Variants in ROBO1 observed in about 807,000 individuals in gnomAD.
ROBO1 encodes the protein roundabout guidance receptor 1.
A neutral mutation model predicts 195.9 loss-of-function variants in ROBO1; 149 were observed. That is an observed-to-expected ratio of 0.76 (90% CI 0.67 to 0.87). The LOEUF (loss-of-function observed/expected upper bound fraction) is 0.87, where lower values mean the gene tolerates loss of function less well. ROBO1 is among the 40% of genes least tolerant of loss of function. The pLI, the probability that ROBO1 is intolerant of heterozygous loss-of-function variation, is 0.00. For synonymous variants in ROBO1, 816 were observed against 733.2 expected (o/e 1.11, Z -1.82); for missense variants, 1,933 against 2,068.3 (o/e 0.93, Z 1.27).
chr3:79,625,623 TC>T (rs1265694979), intron 1 of ROBO1, among the ~76,000 whole-genome samples: 2 of 151,838 alleles, frequency 1.3e-5, no homozygotes, highest in African/African-American at 4.8e-5. Context: ...ATGGATACAT[TC>T]CTGGACATAT....
At chr3:78,817,874 A>G (rs182239578) in intron 4 of ROBO1, among the ~76,000 whole-genome samples, 3 of 152,272 alleles carry the variant, frequency 2.0e-5, no homozygotes, top group Admixed American at 2.0e-4. Context: ...GTCCAGGGTG[A>G]ATATCTCAGA....
Position 79,193,403 on chromosome 3 carries a change from C to A in ROBO1, c.89-67864G>T, listed in dbSNP as rs1457160781. On this transcript the variant is annotated intron_variant, in intron 2 of 30. Coordinates refer to ENST00000464233, the MANE Select transcript of ROBO1 (RefSeq NM_002941.4). ...ACCTCATGAAATAGTCATTATTATT[C>A]TCATGTTAAAGGAGGGAAAGCTGAG... 7.9e-5 allele frequency among the ~76,000 whole-genome samples: 12 copies of A among 151,526 alleles called. No individual in the cohort carries two copies. In the East Asian group the frequency reaches 1.6e-3, roughly 20 times the overall value.
chr3:79,418,839 TA>T (rs1286890202), intron 2 of ROBO1, among the ~76,000 whole-genome samples: 2 of 152,114 alleles, frequency 1.3e-5, no homozygotes, highest in Non-Finnish European at 2.9e-5. Flanking sequence ...AATCAGATTC[TA>T]AAAAATTAAA....
chr3:79,713,306 G>A lies in ROBO1; in HGVS notation c.-51+54446C>T, dbSNP rs144576864. ...ATTATTTGAGAGATACACTTCATAG[G>A]GTTATGGTAGTCATAGATAGTGGTT... On this transcript the variant is annotated intron_variant, in intron 1 of 30. Coordinates refer to ENST00000464233, the MANE Select transcript of ROBO1 (RefSeq NM_002941.4). Among the ~76,000 whole-genome samples the A allele has an allele frequency of 6.6e-3, 1,003 of 152,138 alleles. 10 individuals carry two copies. The highest frequency in any genetic ancestry group is 0.014 in the Middle Eastern group (4 of 294).
intron 19 of ROBO1, among the ~76,000 whole-genome samples, chr3:78,649,416 G>A (rs1706507814): frequency 6.6e-6 from 1 of 152,122 alleles, no homozygotes; most frequent in African/African-American, 2.4e-5. Context: ...GGTGCAATAT[G>A]TGAATGCATG....
intron 14 of ROBO1, among the ~76,000 whole-genome samples, chr3:78,664,155 G>A (rs1157475919): frequency 6.6e-6 from 1 of 152,150 alleles, no homozygotes; most frequent in African/African-American, 2.4e-5. Flanking sequence ...AATTGATCCT[G>A]TTACTGTTTT....
intron 2 of ROBO1, among the ~76,000 whole-genome samples, chr3:79,426,228 A>C (rs1244513046): frequency 4.6e-5 from 7 of 152,208 alleles, no homozygotes; most frequent in African/African-American, 2.4e-5. Context: ...GAAAAGATTC[A>C]ATAGATGTCT....
intron 3 of ROBO1, among the ~76,000 whole-genome samples, chr3:79,105,008 C>T (rs905824103): frequency 2.6e-5 from 4 of 151,522 alleles, no homozygotes; most frequent in African/African-American, 7.3e-5. Context: ...TTTAAAGACA[C>T]ATAAAAAGTA....
chr3:79,341,827 C>T (rs2034919265), intron 2 of ROBO1, among the ~76,000 whole-genome samples: 1 of 152,092 alleles, frequency 6.6e-6, no homozygotes, highest in Non-Finnish European at 1.5e-5. Flanking sequence ...AAATAACATG[C>T]CGTTCCTACT....
intron 4 of ROBO1, among the ~76,000 whole-genome samples, chr3:78,774,732 C>T (rs2083463565): frequency 6.6e-6 from 1 of 152,028 alleles, no homozygotes; most frequent in South Asian, 2.1e-4. Context: ...AATTGTGTCC[C>T]TTCTTGAACA....
intron 3 of ROBO1, among the ~76,000 whole-genome samples, chr3:78,994,168 G>A (rs1460628444): frequency 6.6e-6 from 1 of 152,002 alleles, no homozygotes; most frequent in East Asian, 1.9e-4. Flanking sequence ...GGAAGCTTTC[G>A]CCTTTTAATT....
chr3:79,490,519 C>G (rs745851288), intron 2 of ROBO1, among the ~76,000 whole-genome samples: 1 of 152,174 alleles, frequency 6.6e-6, no homozygotes, highest in South Asian at 2.1e-4. Context: ...CAGAAGAAGC[C>G]GAGAAGGAGG....
At chr3:79,258,654 C>T (rs1576887342) in intron 2 of ROBO1, among the ~76,000 whole-genome samples, 1 of 152,242 alleles carries the variant, frequency 6.6e-6, no homozygotes, top group African/African-American at 2.4e-5. Flanking sequence ...CCACCTTGGC[C>T]TGAAGTACCA....
At chr3:79,292,485 C>G (rs1359542098) in intron 2 of ROBO1, among the ~76,000 whole-genome samples, 1 of 152,120 alleles carries the variant, frequency 6.6e-6, no homozygotes, top group Non-Finnish European at 1.5e-5. Flanking sequence ...CCAGCTTTTG[C>G]CCATTCAGTA....
chr3:79,741,357 A>G (rs1199299093), intron 1 of ROBO1, among the ~76,000 whole-genome samples: 2 of 151,690 alleles, frequency 1.3e-5, no homozygotes, highest in African/African-American at 4.8e-5. Flanking sequence ...CACATCTTCT[A>G]TTTCAGTCTA....
intron 2 of ROBO1, among the ~76,000 whole-genome samples, chr3:79,313,117 G>A (rs1014618821): frequency 6.6e-6 from 1 of 150,644 alleles, no homozygotes; most frequent in Non-Finnish European, 1.5e-5. Flanking sequence ...AACTCAGGAG[G>A]CAGAGCTTGC....
chr3:78,705,220 T>A (rs987663926), intron 8 of ROBO1, among the ~76,000 whole-genome samples: 1 of 152,244 alleles, frequency 6.6e-6, no homozygotes, highest in Non-Finnish European at 1.5e-5. Flanking sequence ...AAATGTCAAA[T>A]CTCTATGGAC....
chr3:79,239,348 G>A (rs568009118), intron 2 of ROBO1, among the ~76,000 whole-genome samples: 1 of 152,126 alleles, frequency 6.6e-6, no homozygotes, highest in Non-Finnish European at 1.5e-5. Flanking sequence ...TCACATGAAT[G>A]GATTAGTGAA....
At chr3:79,396,295 C>A (rs907633332) in intron 2 of ROBO1, among the ~76,000 whole-genome samples, 2 of 151,984 alleles carry the variant, frequency 1.3e-5, no homozygotes, top group Middle Eastern at 3.4e-3. Context: ...AAAGCCTTAA[C>A]GATAACTAAT....
Sources: gnomAD v4.1 joint callset for allele counts (sites outside exome capture counted in the v4.1 genomes callset) on GRCh38, gnomAD v4.1.1 for gene constraint, MANE v1.5 for transcripts, NCBI Gene and HGNC (gene_info 2026-07-23, HGNC 2026-07-21) for gene names.